The following POT1 variants were observed in gnomAD, a reference collection of about 807,000 sequenced individuals.
POT1 encodes the protein protection of telomeres protein 1.
POT1 carries 47 observed loss-of-function variants against 78.5 expected under a neutral mutation model. The ratio of observed to expected loss-of-function variants is 0.60; its 90% CI spans 0.47 to 0.76. The LOEUF (loss-of-function observed/expected upper bound fraction) is 0.76, where lower values mean the gene tolerates loss of function less well. Among genes scored for constraint, POT1 ranks in the 30% least tolerant of loss-of-function variants. POT1 has a pLI of 0.00. For synonymous variants in POT1, 259 were observed against 260.7 expected (o/e 0.99, Z 0.06); for missense variants, 646 against 749.9 (o/e 0.86, Z 1.62).
chr7:124,836,375 T>C (rs1329771471), intron 14 of POT1, among the ~76,000 whole-genome samples: 2 of 152,140 alleles, frequency 1.3e-5, no homozygotes, highest in Non-Finnish European at 2.9e-5. Flanking sequence ...AGTTCTGCTA[T>C]ATCATATTGC....
chr7:124,859,002 G>A lies in POT1; in HGVS notation c.657C>T (p.Asp219=). The change falls in exon 9 of 19, where the codon GAC becomes GAT. Residue 219 remains aspartate, a synonymous_variant. Transcript: ENST00000357628. ...HIHRLQNLTI[D]ILVYDNHVHV... is the part of the protein sequence containing the mutation. The stretch of plus-strand genomic sequence containing the variant: ...GAACATGGTTATCGTAGACTAAAAT[G>A]TCTATTGTCAGATTTTGTAGCCGAT... 2.5e-6 allele frequency: 4 copies of A among 1,611,632 alleles called. No homozygotes were observed. The highest frequency in any genetic ancestry group is 2.2e-5 in the South Asian group (2 of 90,858).
intron 6 of POT1, among the ~76,000 whole-genome samples, chr7:124,884,018 T>C (rs537404131): frequency 2.0e-5 from 3 of 152,048 alleles, no homozygotes; most frequent in East Asian, 1.9e-4. Context: ...ATTCCGGATA[T>C]GTGGAAGTAC....
At chr7:124,885,106 A>G in intron 6 of POT1, among the ~76,000 whole-genome samples, 1 of 152,202 alleles carries the variant, frequency 6.6e-6, no homozygotes, top group East Asian at 1.9e-4. Flanking sequence ...GAAGGCAATG[A>G]CTTTGTTTTC....
rs68016764 is a variant in POT1 at position 124,841,394 on chromosome 7, C to G, written c.1164-216G>C. On this transcript the variant is annotated intron_variant, in intron 13 of 18. Transcript: ENST00000357628. ...TTTGATATTTTGTGGGTAAGTATAT[C>G]CAAATCATATTTACATTAACTACCA... Among the ~76,000 whole-genome samples, 6,662 of 151,770 alleles carry G rather than the reference C, an allele frequency of 0.044. 356 individuals are homozygous for G. The highest frequency in any genetic ancestry group is 0.12 in the African/African-American group (5,096 of 41,428).
intron 7 of POT1, among the ~76,000 whole-genome samples, chr7:124,868,268 C>G (rs1328483845): frequency 1.3e-5 from 2 of 152,054 alleles, no homozygotes; most frequent in Admixed American, 6.6e-5. Flanking sequence ...TGTAAGGAAG[C>G]ACTACTAGCC....
intron 6 of POT1, among the ~76,000 whole-genome samples, chr7:124,872,276 G>A (rs1427899500): frequency 1.3e-5 from 2 of 152,146 alleles, no homozygotes; most frequent in South Asian, 4.1e-4. Flanking sequence ...AGCCTGCAAT[G>A]AACATGGGAG....
chr7:124,853,316 C>A, intron 9 of POT1, 178 bp from the exon 10 acceptor site: 1 of 541,126 alleles, frequency 1.8e-6, no homozygotes. Context: ...ATGGACACTA[C>A]ATCAAAACTA....
rs1794531560 is a variant in POT1, at chr7:124,822,585, T to C, written c.*1377A>G. 1 of 453,840 alleles carries C rather than the reference T, an allele frequency of 2.2e-6. No individual in the cohort carries two copies. Among genetic ancestry groups the C allele is most frequent in the African/African-American group, 2.0e-5 (1 of 50,054 alleles). The allele number at this position is 453,840 out of a possible 1,614,324, so 28.1% of individuals were successfully genotyped here. ...AGAAAAAATGTTTATTTCACCTTTG[T>C]ATCCTGAGCACATCATCAACACGGA... is the stretch of plus-strand genomic sequence containing the variant. On this transcript the variant is annotated 3_prime_UTR_variant, in exon 19 of 19. Coordinates refer to ENST00000357628, the MANE Select transcript of POT1 (RefSeq NM_015450.3).
intron 6 of POT1, among the ~76,000 whole-genome samples, chr7:124,883,192 C>G (rs1445305593): frequency 1.3e-5 from 2 of 152,054 alleles, no homozygotes; most frequent in Non-Finnish European, 2.9e-5. Context: ...GATCCACCAA[C>G]TCCATTCATT....
At chr7:124,876,315 A>G (rs1362976779) in intron 6 of POT1, among the ~76,000 whole-genome samples, 1 of 151,944 alleles carries the variant, frequency 6.6e-6, no homozygotes, top group African/African-American at 2.4e-5. Context: ...TATTTGAAAA[A>G]TGACTTAAAC....
At chr7:124,838,990 C>T (rs1184877514) in intron 14 of POT1, among the ~76,000 whole-genome samples, 1 of 152,080 alleles carries the variant, frequency 6.6e-6, no homozygotes, top group South Asian at 2.1e-4. Context: ...AAAAGATTTA[C>T]AATAGCCAAC....
chr7:124,843,937 G>A (rs887444469), intron 12 of POT1, among the ~76,000 whole-genome samples: 6 of 152,108 alleles, frequency 3.9e-5, no homozygotes, highest in Non-Finnish European at 7.4e-5. Context: ...GATATTTCAA[G>A]TAATTACACC....
chr7:124,869,507 T>C (rs1795814993), intron 7 of POT1, among the ~76,000 whole-genome samples: 1 of 131,028 alleles, frequency 7.6e-6, no homozygotes, highest in Non-Finnish European at 1.6e-5. Context: ...CAGGAAACAA[T>C]ACTGTGAAAA....
At chr7:124,898,607 G>A (rs1447406811) in intron 3 of POT1, among the ~76,000 whole-genome samples, 7 of 151,786 alleles carry the variant, frequency 4.6e-5, no homozygotes, top group African/African-American at 7.3e-5. Flanking sequence ...TGACAATAAC[G>A]TCCCACTTCA....
At chr7:124,861,925 G>A (rs1185709058) in intron 8 of POT1, among the ~76,000 whole-genome samples, 3 of 152,020 alleles carry the variant, frequency 2.0e-5, no homozygotes, top group South Asian at 2.1e-4. Context: ...GATGTGTGGC[G>A]TTATTTCTGA....
chr7:124,848,157 G>C (rs1795216332), intron 11 of POT1, among the ~76,000 whole-genome samples: 1 of 152,070 alleles, frequency 6.6e-6, no homozygotes, highest in Non-Finnish European at 1.5e-5. Flanking sequence ...AAATCTAGAG[G>C]GATTTGGGTT....
chr7:124,888,588 GTACTT>G (rs1796299981), intron 6 of POT1, among the ~76,000 whole-genome samples: 1 of 151,916 alleles, frequency 6.6e-6, no homozygotes, highest in African/African-American at 2.4e-5. Context: ...TCATGTAATT[GTACTT>G]TACTTTGTTG....
chr7:124,875,292 T>C (rs6466954), intron 6 of POT1, among the ~76,000 whole-genome samples: 91,272 of 151,904 alleles, frequency 0.6, 27,548 homozygotes, highest in African/African-American at 0.65. Context: ...TGAGTAATTA[T>C]TTCATCACTA....
intron 12 of POT1, among the ~76,000 whole-genome samples, chr7:124,844,436 C>A (rs1430733558): frequency 6.9e-6 from 1 of 145,276 alleles, no homozygotes; most frequent in Non-Finnish European, 1.5e-5. Context: ...GCTGGTGATG[C>A]TTTTAAAAAG....
Sources: allele counts gnomAD v4.1 joint callset (sites outside exome capture counted in the v4.1 genomes callset), GRCh38; gene constraint gnomAD v4.1.1; transcripts MANE v1.5; gene names NCBI Gene and HGNC (gene_info 2026-07-23, HGNC 2026-07-21).